The following TLL2 variants were observed in gnomAD, a reference collection of about 807,000 sequenced individuals.
TLL2 encodes tolloid like 2, also known as tolloid-like protein 2.
Under a neutral mutation model 123.0 loss-of-function variants are expected in TLL2, and 106 were observed. The ratio of observed to expected loss-of-function variants is 0.86; its 90% CI spans 0.74 to 1.01. TLL2 has a LOEUF of 1.01. Among genes scored for constraint, TLL2 ranks in the 50% least tolerant of loss-of-function variants. The pLI is 0.00. For synonymous variants in TLL2, 494 were observed against 516.8 expected, an observed-to-expected ratio of 0.96 and a Z score of 0.60; for missense variants, 1,332 against 1,336.7, an observed-to-expected ratio of 1.00 and a Z score of 0.06.
chr10:96,410,327 C>A, intron 9 of TLL2, 32 bp downstream of exon 9: 1 of 1,532,406 alleles, frequency 6.5e-7, no homozygotes, highest in South Asian at 1.1e-5. Flanking sequence ...CAAGGAGTGC[C>A]GTCCCATTTG....
intron 1 of TLL2, among the ~76,000 whole-genome samples, chr10:96,508,294 A>T (rs1847595743): frequency 6.6e-6 from 1 of 152,192 alleles, no homozygotes; most frequent in Non-Finnish European, 1.5e-5. Context: ...GGCTGACAGT[A>T]ACATGAGGGC....
intron 2 of TLL2, among the ~76,000 whole-genome samples, chr10:96,448,703 T>A (rs1193530963): frequency 6.6e-6 from 1 of 152,080 alleles, no homozygotes; most frequent in Non-Finnish European, 1.5e-5. Context: ...GGTGGATATC[T>A]GGAGAGAAGC....
chr10:96,434,154 A>G (rs538129235), intron 3 of TLL2, among the ~76,000 whole-genome samples: 2 of 152,006 alleles, frequency 1.3e-5, no homozygotes, highest in East Asian at 3.9e-4. Flanking sequence ...TTATCCTGAC[A>G]TTTCCTTCCT....
Position 96,367,823 on chromosome 10 carries a change from T to A in TLL2, c.*265A>T. 2.6e-6 allele frequency: 1 copy of A among 385,648 alleles called. No homozygotes were observed. The highest frequency in any genetic ancestry group is 4.8e-6 in the Non-Finnish European group (1 of 209,302). The allele number at this position is 385,648 out of a possible 1,614,324, so 23.9% of individuals were successfully genotyped here. A position where few individuals can be genotyped will look rare whatever the true frequency, so the allele number is the denominator to read the frequency against. ...GAAGAAGCATAGCCGGAATGGTCAG[T>A]GACTTCAATCCTAATCTTTAACACT... On this transcript the variant is annotated 3_prime_UTR_variant, in exon 21 of 21. Coordinates refer to ENST00000357947, the MANE Select transcript of TLL2 (RefSeq NM_012465.4).
chr10:96,403,996 T>A (rs11598080), intron 10 of TLL2, among the ~76,000 whole-genome samples: 21,785 of 146,982 alleles, frequency 0.15, 1,607 homozygotes, highest in South Asian at 0.25. Context: ...CATAGATTCT[T>A]TTGCTCACAT....
intron 6 of TLL2, among the ~76,000 whole-genome samples, chr10:96,422,050 A>AT (rs374363421): frequency 5.9e-5 from 9 of 151,518 alleles, no homozygotes; most frequent in Non-Finnish European, 8.8e-5. Context: ...ATAAGAGAGT[A>AT]TTTTTTTTTA....
chr10:96,459,142 A>T (rs535779981), intron 2 of TLL2, among the ~76,000 whole-genome samples: 1 of 152,260 alleles, frequency 6.6e-6, no homozygotes, highest in South Asian at 2.1e-4. Context: ...TGAATGTGTC[A>T]TTTTCCCCAA....
At chr10:96,478,465 A>C (rs1035135678) in intron 2 of TLL2, among the ~76,000 whole-genome samples, 5 of 152,188 alleles carry the variant, frequency 3.3e-5, no homozygotes, top group African/African-American at 4.8e-5. Context: ...CCTATGACCC[A>C]GCACCCCCAC....
intron 18 of TLL2, among the ~76,000 whole-genome samples, chr10:96,375,142 G>C (rs1292543981): frequency 6.6e-6 from 1 of 152,136 alleles, no homozygotes; most frequent in African/African-American, 2.4e-5. Context: ...GGGCCAAGGT[G>C]GTGGGTAGAG....
Position 96,476,240 on chromosome 10 carries a change from A to C in TLL2, c.286+4109T>G, listed in dbSNP as rs1356332402. On this transcript the variant is annotated intron_variant, in intron 2 of 20. Transcript: ENST00000357947. Reference sequence around the variant, plus strand: ...TTTATATGTATATATATATATATATATTTTATTTTTGTTGTTGTTGTTGTT... The same window carrying C: ...TTTATATGTATATATATATATATATCTTTTATTTTTGTTGTTGTTGTTGTT... 7.8e-4 allele frequency among the ~76,000 whole-genome samples: 16 copies of C among 20,502 alleles called. 1 individual carries two copies. The South Asian group carries it at 0.021, about 27-fold the overall frequency. The allele number at this position is 20,502 out of a possible 152,430, so 13.5% of individuals were successfully genotyped here.
chr10:96,486,377 C>T (rs1488939401), intron 1 of TLL2, among the ~76,000 whole-genome samples: 1 of 152,164 alleles, frequency 6.6e-6, no homozygotes, highest in Admixed American at 6.5e-5. Flanking sequence ...AAGAGAATCA[C>T]TATCATTAAC....
chr10:96,399,322 C>CTCT (rs1010887340), intron 10 of TLL2, among the ~76,000 whole-genome samples: 5 of 152,138 alleles, frequency 3.3e-5, no homozygotes, highest in African/African-American at 1.2e-4. Flanking sequence ...GTCACGGGTA[C>CTCT]TCTTACTGCC....
chr10:96,459,734 C>G (rs1348877443), intron 2 of TLL2, among the ~76,000 whole-genome samples: 1 of 44,818 alleles, frequency 2.2e-5, no homozygotes, highest in Non-Finnish European at 4.4e-5. Context: ...ATATATATAG[C>G]AGCTAAAATG....
rs183910391 is a variant in TLL2 at position 96,451,566 on chromosome 10, T to C, written c.287-5398A>G. Among the ~76,000 whole-genome samples, 83 of 152,364 alleles carry C rather than the reference T, an allele frequency of 5.4e-4. No homozygotes were observed. In the East Asian group the frequency reaches 0.015, roughly 28 times the overall value. On this transcript the variant is annotated intron_variant, in intron 2 of 20. Transcript: ENST00000357947. Reference sequence around the variant, plus strand: ...TAATTATTCCTTTCATCTCTTATTCTTAAAGACTAACATTACTTGGTCCTT... The same window carrying C: ...TAATTATTCCTTTCATCTCTTATTCCTAAAGACTAACATTACTTGGTCCTT...
chr10:96,405,101 C>T (rs1486027438), intron 10 of TLL2, 131 bp downstream of exon 10: 1 of 796,018 alleles, frequency 1.3e-6, no homozygotes. Context: ...ATGGAGTGCT[C>T]AGAGTTTTAC....
At chr10:96,414,571 C>G (rs927741182) in intron 7 of TLL2, among the ~76,000 whole-genome samples, 7 of 152,252 alleles carry the variant, frequency 4.6e-5, no homozygotes, top group Middle Eastern at 3.4e-3. Flanking sequence ...CCTCTGTCCT[C>G]TCTCTCCATA....
At chr10:96,399,777 C>T (rs965597574) in intron 10 of TLL2, among the ~76,000 whole-genome samples, 1 of 152,184 alleles carries the variant, frequency 6.6e-6, no homozygotes, top group African/African-American at 2.4e-5. Flanking sequence ...CAAGTTTCTC[C>T]TTTTAAAACC....
Position 96,367,884 on chromosome 10 carries a change from G to T in TLL2, c.*204C>A. On this transcript the variant is annotated 3_prime_UTR_variant, in exon 21 of 21. Transcript: ENST00000357947. Reference sequence around the variant, plus strand: ...ATGAATGATAACATTGCAGACAGAAGCAAAAGAACATTTTTCTCTCCACCT... The same window carrying T: ...ATGAATGATAACATTGCAGACAGAATCAAAAGAACATTTTTCTCTCCACCT... 1.7e-6 allele frequency: 1 copy of T among 592,840 alleles called. No homozygotes were observed. The highest frequency in any genetic ancestry group is 2.9e-6 in the Non-Finnish European group (1 of 345,312). The allele number at this position is 592,840 out of a possible 1,614,324, so 36.7% of individuals were successfully genotyped here.
At position 96,396,037 on chromosome 10, in the gene TLL2, C is replaced by A; in HGVS notation, c.1385-17G>T. 6.2e-7 allele frequency: 1 copy of A among 1,613,214 alleles called. No individual in the cohort carries two copies. Among genetic ancestry groups the A allele is most frequent in the East Asian group, 2.2e-5 (1 of 44,858 alleles). ...CGCAGGTAGCTTTAGAAAGAGACAT[C>A]AGGAGAGGAAGACGGGGGCCCTGGT... is the stretch of plus-strand genomic sequence containing the variant. On this transcript the variant is annotated splice_polypyrimidine_tract_variant and intron_variant, in intron 11 of 20. Transcript: ENST00000357947.
Sources: gnomAD v4.1 joint callset for allele counts (sites outside exome capture counted in the v4.1 genomes callset) on GRCh38, gnomAD v4.1.1 for gene constraint, MANE v1.5 for transcripts, NCBI Gene and HGNC (gene_info 2026-07-23, HGNC 2026-07-21) for gene names.